The following ZNF609 variants were observed in gnomAD, a reference collection of about 807,000 sequenced individuals.
ZNF609 encodes the protein zinc finger protein 609.
In ZNF609, 11 loss-of-function variants were observed where a neutral mutation model predicts 109.5. That is an observed-to-expected ratio of 0.10 (90% CI 0.06 to 0.17). The LOEUF is 0.17. Ranked by LOEUF, ZNF609 falls within the 10% of genes least tolerant of loss-of-function variation. The probability of loss-of-function intolerance (pLI) is 1.00; values close to 1 mark genes in which losing one functional copy is unlikely to be tolerated. For synonymous variants in ZNF609, 646 were observed against 662.0 expected (o/e 0.98, Z 0.37); for missense variants, 1,559 against 1,772.4 (o/e 0.88, Z 2.16).
intron 1 of ZNF609, among the ~76,000 whole-genome samples, chr15:64,464,030 T>TC (rs776541628): frequency 7.6e-4 from 115 of 151,816 alleles, no homozygotes; most frequent in Middle Eastern, 3.4e-3. Flanking sequence ...TGCTTTGGAT[T>TC]CCCCCCCAAC....
chr15:64,534,368 G>A (rs111607205), intron 2 of ZNF609, among the ~76,000 whole-genome samples: 15,835 of 151,258 alleles, frequency 0.1, 1,047 homozygotes, highest in African/African-American at 0.19. Flanking sequence ...CTGGAGTGCA[G>A]TGGTGTGATC....
At position 64,662,242 on chromosome 15, in the gene ZNF609, C is replaced by A. The variant is rs1896587963; in HGVS notation, c.974-8104C>A. On this transcript the variant is annotated intron_variant, in intron 3 of 9. Transcript: ENST00000326648. ...TCCCAGAGAGAAAGCAAGGAGGAACCCCCAATAATACCTTTTATCACCTTG... is the reference window on the plus strand; with the variant it reads ...TCCCAGAGAGAAAGCAAGGAGGAACACCCAATAATACCTTTTATCACCTTG... Among the ~76,000 whole-genome samples, 3 of 152,142 alleles carry A rather than the reference C, an allele frequency of 2.0e-5. No individual in the cohort carries two copies. The South Asian group carries it at 6.2e-4, about 32-fold the overall frequency.
intron 3 of ZNF609, among the ~76,000 whole-genome samples, chr15:64,625,875 C>T: frequency 9.3e-6 from 1 of 107,990 alleles, no homozygotes. Flanking sequence ...GGTGACAGAG[C>T]CAGACTCCAT....
intron 1 of ZNF609, among the ~76,000 whole-genome samples, chr15:64,470,045 T>C (rs1245466675): frequency 1.3e-5 from 2 of 152,214 alleles, no homozygotes; most frequent in Non-Finnish European, 1.5e-5. Flanking sequence ...AATTAACTTC[T>C]TGGGACTGAG....
rs758413589 is a variant in ZNF609 at position 64,641,234 on chromosome 15, T to TTTTTTTTTTTG, written c.973+18182_973+18183insTTTTTTTTTTG. ...CTTGTGCTTTCTTTTTTTTTTTTTTTGAGATGGAGTTTCGCTCTTGCTGCC... is the reference window on the plus strand; with the variant it reads ...CTTGTGCTTTCTTTTTTTTTTTTTTTTTTTTTTTTTGGAGATGGAGTTTCGCTCTTGCTGCC... On this transcript the variant is annotated intron_variant, in intron 3 of 9. Transcript: ENST00000326648. 6.7e-4 allele frequency among the ~76,000 whole-genome samples: 95 copies of TTTTTTTTTTTG among 140,820 alleles called. 4 individuals carry two copies. The East Asian group carries it at 0.018, about 26-fold the overall frequency. 92.4% of individuals were successfully genotyped at this position (140,820 alleles called of 152,430 possible).
chr15:64,499,509 A>T lies in ZNF609; in HGVS notation c.90A>T (p.Gly30=), dbSNP rs764564818. Residue 30 remains glycine (G), a synonymous_variant, in exon 2 of 10, where the codon GGA becomes GGT. Transcript: ENST00000326648. ...TYDSGDEWDI[G]VGNLIIDLDA... ...ACAGTGGGGATGAATGGGACATTGG[A>T]GTAGGGAATCTCATCATTGACCTGG... 2 of 1,614,014 alleles carry T rather than the reference A, an allele frequency of 1.2e-6. No homozygotes were observed. The highest frequency in any genetic ancestry group is 3.3e-5 in the Admixed American group (2 of 59,982).
chr15:64,621,353 CTTT>C (rs111586542), intron 2 of ZNF609, among the ~76,000 whole-genome samples: 3 of 143,298 alleles, frequency 2.1e-5, no homozygotes, highest in African/African-American at 5.1e-5. Flanking sequence ...TCATTTCATT[CTTT>C]TTTTTTTTTT....
chr15:64,585,064 C>CGT (rs1895173937), intron 2 of ZNF609, among the ~76,000 whole-genome samples: 1 of 151,224 alleles, frequency 6.6e-6, no homozygotes, highest in Non-Finnish European at 1.5e-5. Flanking sequence ...GTGGCTCATG[C>CGT]CTATAATCCC....
At position 64,674,581 on chromosome 15, in the gene ZNF609, G is replaced by T; in HGVS notation, c.1727G>T (p.Ser576Ile). The change falls in exon 5 of 10, where the codon AGC (serine) becomes ATC (isoleucine). Residue 576 changes from serine (S) to isoleucine (I), a missense_variant. Ser to Ile is a moderately radical substitution (Grantham distance 142). Transcript: ENST00000326648. ...AAAGTTCGACTTGTAGAGCCCCATA[G>T]CCCTTCTCCTTCAAGCAAATTCAGC... is the stretch of plus-strand genomic sequence containing the variant. ...TPKVRLVEPH[S>I]PSPSSKFSTK... 1.2e-6 allele frequency: 2 copies of T among 1,614,066 alleles called. No individual in the cohort carries two copies. The highest frequency in any genetic ancestry group is 1.7e-6 in the Non-Finnish European group (2 of 1,179,994).
Position 64,485,738 on chromosome 15 carries a change from C to T in ZNF609, c.-127-13555C>T, listed in dbSNP as rs935645708. Reference sequence around the variant, plus strand: ...TTGCTTGAGCCCAGGAGGTGGAAACCGTAGTGGGCCATGATAGCGCCACTG... The same window carrying T: ...TTGCTTGAGCCCAGGAGGTGGAAACTGTAGTGGGCCATGATAGCGCCACTG... On this transcript the variant is annotated intron_variant, in intron 1 of 9. Coordinates refer to ENST00000326648, the MANE Select transcript of ZNF609 (RefSeq NM_015042.2). 5.9e-5 allele frequency among the ~76,000 whole-genome samples: 9 copies of T among 152,028 alleles called. No individual in the cohort carries two copies. In the East Asian group the frequency reaches 1.5e-3, roughly 26 times the overall value.
intron 2 of ZNF609, among the ~76,000 whole-genome samples, chr15:64,591,578 G>A (rs963760383): frequency 1.3e-5 from 2 of 151,870 alleles, no homozygotes; most frequent in Admixed American, 1.3e-4. Context: ...AGTGAAACAG[G>A]TGCAAAGATA....
intron 1 of ZNF609, among the ~76,000 whole-genome samples, chr15:64,484,938 C>T (rs920773876): frequency 2.0e-5 from 3 of 152,152 alleles, no homozygotes; most frequent in African/African-American, 7.2e-5. Flanking sequence ...TGCGCCACTG[C>T]ACTCCAGCTT....
At chr15:64,651,869 G>A (rs1016140502) in intron 3 of ZNF609, among the ~76,000 whole-genome samples, 4 of 152,144 alleles carry the variant, frequency 2.6e-5, no homozygotes, top group Non-Finnish European at 5.9e-5. Flanking sequence ...TGGGAAGGAA[G>A]TAGAGCTGTT....
chr15:64,529,397 G>A (rs1405816001), intron 2 of ZNF609: 16 of 751,412 alleles, frequency 2.1e-5, no homozygotes, highest in East Asian at 1.6e-4. Context: ...CGTACTCAGC[G>A]CCAGCATCAC....
intron 2 of ZNF609, chr15:64,528,935 A>G: frequency 7.9e-7 from 1 of 1,269,198 alleles, no homozygotes; most frequent in South Asian, 1.2e-5. Flanking sequence ...TCCAGACGAC[A>G]GGTCAGGTCC....
chr15:64,667,992 C>T (rs550381885), intron 3 of ZNF609, among the ~76,000 whole-genome samples: 100 of 152,262 alleles, frequency 6.6e-4, no homozygotes, highest in Non-Finnish European at 1.4e-3. Context: ...GTCAAGCTGC[C>T]TCCTGATTCA....
intron 2 of ZNF609, among the ~76,000 whole-genome samples, chr15:64,608,821 C>T (rs1895656864): frequency 6.6e-6 from 1 of 152,044 alleles, no homozygotes; most frequent in African/African-American, 2.4e-5. Context: ...TTACTGCAGC[C>T]TCAACCTCCT....
At chr15:64,561,848 G>A (rs1894686546) in intron 2 of ZNF609, among the ~76,000 whole-genome samples, 1 of 152,104 alleles carries the variant, frequency 6.6e-6, no homozygotes, top group Admixed American at 6.5e-5. Context: ...ACATTGTTGT[G>A]TTTGGGTATT....
At chr15:64,618,324 A>G (rs1895830647) in intron 2 of ZNF609, among the ~76,000 whole-genome samples, 1 of 152,138 alleles carries the variant, frequency 6.6e-6, no homozygotes, top group East Asian at 1.9e-4. Context: ...TCAGACCTGT[A>G]GGGTAACATA....
Sources: gnomAD v4.1 joint callset for allele counts (sites outside exome capture counted in the v4.1 genomes callset) on GRCh38, gnomAD v4.1.1 for gene constraint, MANE v1.5 for transcripts, NCBI Gene and HGNC (gene_info 2026-07-23, HGNC 2026-07-21) for gene names.